Variants in TTN observed in about 807,000 individuals in gnomAD.
TTN encodes connectin.
Under a neutral mutation model 3,223.0 loss-of-function variants are expected in TTN, and 1,525 were observed. That is an observed-to-expected ratio of 0.47 (90% confidence interval 0.45 to 0.49). The LOEUF (loss-of-function observed/expected upper bound fraction) is 0.49. Ranked by LOEUF, TTN falls within the 20% of genes least tolerant of loss-of-function variation. The pLI is 0.00. For missense variants in TTN, 40,786 were observed against 43,424.0 expected (o/e 0.94, Z 5.40); for synonymous variants, 14,094 against 15,161.0 (o/e 0.93, Z 5.17).
rs549604128 is a variant in TTN, at chr2:178,718,101, G to T, written c.24905C>A (p.Thr8302Lys). 2.2e-5 allele frequency: 36 copies of T among 1,612,926 alleles called. No homozygotes were observed. In the East Asian group the frequency reaches 6.2e-4, roughly 28 times the overall value. Residue 8302 changes from threonine (T) to lysine (K), a missense_variant, in exon 86 of 363, where the codon ACA becomes AAA. Coordinates refer to ENST00000589042, the MANE Select transcript of TTN (RefSeq NM_001267550.2). ...EIRISWYKEH[T>K]KLRSAPAYKM... ...ATATGCAGGAGCTGATCGTAGCTTT[G>T]TGTGTTCTTTATACCAAGAAATTCT...
Position 178,724,514 on chromosome 2 carries a change from G to A in TTN, c.20861C>T (p.Ala6954Val), listed in dbSNP as rs17355446. 50,703 of 1,600,914 alleles carry A rather than the reference G, an allele frequency of 0.032. 2,128 individuals carry two copies. The highest frequency in any genetic ancestry group is 0.17 in the Admixed American group (9,886 of 59,174). ...VLEPAVIVEK[A>V]GPMTVTVGET... Reference sequence around the variant, plus strand: ...TCCTACAGTCACCGTCATCGGTCCTGCCTTCTCAACAATGACTGCGGGCTC... The same window carrying A: ...TCCTACAGTCACCGTCATCGGTCCTACCTTCTCAACAATGACTGCGGGCTC... The change falls in exon 72 of 363, where the codon GCA becomes GTA. Residue 6954 changes from alanine to valine, a missense_variant. Physicochemically the swap from Ala to Val is moderately conservative, Grantham distance 64 (BLOSUM62 0). Transcript: ENST00000589042.
In TTN at chr2:178,688,590, C is replaced by T. The variant is rs868224676; in HGVS notation, c.32197+87G>A. The stretch of plus-strand genomic sequence containing the variant: ...GAGAAATAACTGATGAGGACATGTT[C>T]TAAAGTAAACAATCACATGTGGAAG... On this transcript the variant is annotated intron_variant, in intron 126 of 362. Transcript: ENST00000589042. 20 of 944,168 alleles carry T rather than the reference C, an allele frequency of 2.1e-5. No homozygotes were observed. The Middle Eastern group carries it at 8.3e-4, about 39-fold the overall frequency. 58.5% of individuals were successfully genotyped at this position (944,168 alleles called of 1,614,324 possible). A position where few individuals can be genotyped will look rare whatever the true frequency, so the allele number is the denominator to read the frequency against.
Position 178,560,900 on chromosome 2 carries a change from TTGTC to T in TTN, c.85228_85231del (p.Asp28410IlefsTer5), listed in dbSNP as rs757093703. The T allele has an allele frequency of 1.9e-6, 3 of 1,613,642 alleles. No homozygotes were observed. The highest frequency in any genetic ancestry group is 1.7e-5 in the Admixed American group (1 of 59,964). ...GTCTTTAACTGTTAACAAAGTATGA[TTGTC>T]TGTTGAGATGATTTCTGTTCTTGCT... On this transcript the variant is annotated frameshift_variant, in exon 326 of 363. Coordinates refer to ENST00000589042, the MANE Select transcript of TTN (RefSeq NM_001267550.2). LOFTEE classifies it high-confidence loss of function.
In TTN at chr2:178,587,818, G is replaced by T. The variant is rs761915660; in HGVS notation, c.63509-18C>A. ...CGGAGGTTCTGCAAATGACATTAAG[G>T]TCATTAATTGATTTTTCAGAATGTG... On this transcript the variant is annotated intron_variant, in intron 305 of 362. Transcript: ENST00000589042. The T allele has an allele frequency of 1.9e-6, 3 of 1,573,612 alleles. No individual in the cohort carries two copies. In the Admixed American group the frequency reaches 5.4e-5, roughly 28 times the overall value.
chr2:178,557,273 A>G lies in TTN; in HGVS notation c.87989T>C (p.Val29330Ala), dbSNP rs1701877919. ...CGTACCACAAGCATCAATTGCCAAG[A>G]CTGGTTCAGAAGGATGGCTAGGTTT... is the stretch of plus-strand genomic sequence containing the variant. Reference protein sequence around the residue: ...VGKPSHPSEPVLAIDACEPPR... With the variant: ...VGKPSHPSEPALAIDACEPPR... Residue 29330 changes from valine to alanine, a missense_variant, in exon 329 of 363, where the codon GTC becomes GCC. Coordinates refer to ENST00000589042, the MANE Select transcript of TTN (RefSeq NM_001267550.2). The G allele has an allele frequency of 2.5e-6, 4 of 1,613,866 alleles. No individual in the cohort carries two copies. The highest frequency in any genetic ancestry group is 2.5e-6 in the Non-Finnish European group (3 of 1,179,850).
Position 178,728,409 on chromosome 2 carries a change from A to C in TTN, c.19427-12T>G, listed in dbSNP as rs2079745612. ...AGGAATATTTTGATCTGTCCAATGC[A>C]AACAGCAAAACACATCCATTAATCT... On this transcript the variant is annotated splice_polypyrimidine_tract_variant and intron_variant, in intron 66 of 362. Transcript: ENST00000589042. The C allele has an allele frequency of 1.9e-6, 3 of 1,583,590 alleles. No individual in the cohort carries two copies. The South Asian group carries it at 3.5e-5, about 18-fold the overall frequency.
At position 178,712,093 on chromosome 2, in the gene TTN, C is replaced by T. The variant is rs1404441295; in HGVS notation, c.27737G>A (p.Arg9246Lys). The change falls in exon 96 of 363, where the codon AGA becomes AAA. Residue 9246 changes from arginine (R) to lysine (K), a missense_variant. Coordinates refer to ENST00000589042, the MANE Select transcript of TTN (RefSeq NM_001267550.2). ...ATGCATTTTGTAAGTCGTAGTGGGT[C>T]TCAATTTTGTATCTCCTTTATACCA... ...VSWYKGDTKL[R>K]PTTTYKMHFR... is the part of the protein sequence containing the mutation. 1.2e-6 allele frequency: 2 copies of T among 1,613,640 alleles called. No individual in the cohort carries two copies. The highest frequency in any genetic ancestry group is 8.5e-7 in the Non-Finnish European group (1 of 1,179,794).
intron 336 of TTN, chr2:178,550,524 G>A (rs2154149376): frequency 8.3e-6 from 4 of 479,860 alleles, no homozygotes; most frequent in South Asian, 3.2e-5. Context: ...AAAAAGGAAA[G>A]TGAAACATTT....
intron 215 of TTN, 55 bp from the exon 216 acceptor site, chr2:178,646,614 G>A: frequency 9.5e-7 from 1 of 1,052,360 alleles, no homozygotes; most frequent in South Asian, 1.5e-5. Flanking sequence ...TCTTCAAAAA[G>A]ACTCATACAA....
chr2:178,764,343 C>T, intron 42 of TTN, 41 bp from the exon 43 acceptor site: 1 of 1,612,964 alleles, frequency 6.2e-7, no homozygotes, highest in Non-Finnish European at 8.5e-7. Context: ...ATTAAGTCAC[C>T]ATAGAGACCT....
intron 254 of TTN, 24 bp downstream of exon 254, chr2:178,617,298 ATTC>A: frequency 1.3e-6 from 2 of 1,544,758 alleles, no homozygotes; most frequent in Non-Finnish European, 1.7e-6. Context: ...CACATTGAAT[ATTC>A]TTTTTTATAT....
At position 178,544,271 on chromosome 2, in the gene TTN, A is replaced by G. The variant is rs1377397586; in HGVS notation, c.95958T>C (p.Ala31986=). The change falls in exon 345 of 363, where the codon GCT becomes GCC. Residue 31986 remains alanine, a synonymous_variant. Transcript: ENST00000589042. The part of the protein sequence containing the change: ...KMGQKYSFRV[A]AVNVKGMSEY... ...CGCTCATACCCTTCACGTTCACGGCAGCAACTCTGAAGGAATATTTCTGGC... is the reference window on the plus strand; with the variant it reads ...CGCTCATACCCTTCACGTTCACGGCGGCAACTCTGAAGGAATATTTCTGGC... The G allele has an allele frequency of 6.2e-7, 1 of 1,613,838 alleles. No individual in the cohort carries two copies. The highest frequency in any genetic ancestry group is 1.7e-5 in the Admixed American group (1 of 60,008).
Position 178,604,888 on chromosome 2 carries a change from G to T in TTN, c.54201C>A (p.Ser18067=). Residue 18067 remains serine (S), a synonymous_variant, in exon 281 of 363, where the codon TCC becomes TCA. Coordinates refer to ENST00000589042, the MANE Select transcript of TTN (RefSeq NM_001267550.2). ...NVHVEVYDRP[S]PPRNLAVTDI... ...CAGTAACAGCAAGATTTCTTGGTGG[G>T]GATGGGCGGTCTGGAAAGGAATCAA... The T allele has an allele frequency of 1.2e-6, 2 of 1,611,286 alleles. No individual in the cohort carries two copies. Among genetic ancestry groups the T allele is most frequent in the Non-Finnish European group, 1.7e-6 (2 of 1,178,586 alleles).
chr2:178,712,281 T>C, intron 95 of TTN, 34 bp downstream of exon 95: 2 of 1,609,144 alleles, frequency 1.2e-6, no homozygotes, highest in Non-Finnish European at 1.7e-6. Context: ...TCATCGATTG[T>C]ATACAAAGAT....
chr2:178,582,384 A>G lies in TTN; in HGVS notation c.66072T>C (p.His22024=), dbSNP rs748768545. Residue 22024 remains histidine (H), a synonymous_variant, in exon 314 of 363, where the codon CAT becomes CAC. Transcript: ENST00000589042. ...CAGCACAAATACGGAACTGATACTC[A>G]TGGCCCTCTATAAGTTTCTCCACGC... ...SCSVEKLIEG[H]EYQFRICAEN... is the part of the protein sequence containing the mutation. 3 of 1,612,824 alleles carry G rather than the reference A, an allele frequency of 1.9e-6. No individual in the cohort carries two copies. The highest frequency in any genetic ancestry group is 2.5e-6 in the Non-Finnish European group (3 of 1,179,318).
chr2:178,623,201 C>T (rs960482892), intron 242 of TTN, among the ~76,000 whole-genome samples: 3 of 151,868 alleles, frequency 2.0e-5, no homozygotes, highest in Non-Finnish European at 4.4e-5. Context: ...AAAGATAGAA[C>T]ACGTGAAGCA....
chr2:178,610,038 A>G (rs1352573287), intron 271 of TTN, 52 bp from the exon 272 acceptor site: 37 of 1,610,460 alleles, frequency 2.3e-5, no homozygotes, highest in Middle Eastern at 1.6e-4. Context: ...TTCTTAAAAC[A>G]AAACTATGGT....
At chr2:178,759,911 T>C (rs1430953325) in intron 43 of TTN, among the ~76,000 whole-genome samples, 1 of 152,188 alleles carries the variant, frequency 6.6e-6, no homozygotes, top group Non-Finnish European at 1.5e-5. Flanking sequence ...TAATAGAAAG[T>C]AAAAACCCAA....
Position 178,537,527 on chromosome 2 carries a change from G to A in TTN, c.99680C>T (p.Ala33227Val), listed in dbSNP as rs1430566252. 5 of 1,613,680 alleles carry A rather than the reference G, an allele frequency of 3.1e-6. No individual in the cohort carries two copies. The highest frequency in any genetic ancestry group is 3.4e-6 in the Non-Finnish European group (4 of 1,179,750). Residue 33227 changes from alanine to valine, a missense_variant, in exon 355 of 363, where the codon GCC becomes GTC. Coordinates refer to ENST00000589042, the MANE Select transcript of TTN (RefSeq NM_001267550.2). ...TTTCTGACCATGGAACCAAGTCATG[G>A]CAGGTACTGGACGACCAATGTACAT... is the stretch of plus-strand genomic sequence containing the variant. ...HVMYIGRPVP[A>V]MTWFHGQKLL...
Sources: allele counts gnomAD v4.1 joint callset (sites outside exome capture counted in the v4.1 genomes callset), GRCh38; gene constraint gnomAD v4.1.1; transcripts MANE v1.5; gene names NCBI Gene and HGNC (gene_info 2026-07-23, HGNC 2026-07-21).